Variants in SLC4A10 observed in about 807,000 individuals in gnomAD.
The protein encoded by SLC4A10 is solute carrier family 4 member 10.
In SLC4A10, 42 loss-of-function variants were observed where a neutral mutation model predicts 137.7. The ratio of observed to expected loss-of-function variants is 0.30; its 90% CI spans 0.24 to 0.39. The LOEUF (loss-of-function observed/expected upper bound fraction) is 0.39. SLC4A10 is among the 10% of genes least tolerant of loss of function. SLC4A10 has a pLI of 1.00. For synonymous variants in SLC4A10, 474 were observed against 464.1 expected (o/e 1.02, Z -0.27); for missense variants, 925 against 1,355.0 (o/e 0.68, Z 4.98).
At chr2:161,639,363 C>T (rs949558495) in intron 1 of SLC4A10, among the ~76,000 whole-genome samples, 2 of 151,956 alleles carry the variant, frequency 1.3e-5, no homozygotes, top group African/African-American at 4.8e-5. Context: ...TGAACATATA[C>T]ATAAAAATCC....
At chr2:161,947,373 C>T (rs13421039) in intron 16 of SLC4A10, among the ~76,000 whole-genome samples, 193 bp from the exon 17 acceptor site, 49,829 of 151,870 alleles carry the variant, frequency 0.33, 8,433 homozygotes, top group East Asian at 0.59. Flanking sequence ...TTTTCATAAA[C>T]CTTTGCATAT....
At chr2:161,888,376 C>T (rs189519317) in intron 10 of SLC4A10, among the ~76,000 whole-genome samples, 24 of 151,928 alleles carry the variant, frequency 1.6e-4, no homozygotes, top group Admixed American at 1.4e-3. Flanking sequence ...CTATAAACTA[C>T]TTTGGGCAGT....
At chr2:161,749,713 T>C (rs1167363920) in intron 1 of SLC4A10, among the ~76,000 whole-genome samples, 1 of 151,820 alleles carries the variant, frequency 6.6e-6, no homozygotes, top group African/African-American at 2.4e-5. Flanking sequence ...TAGTGGCCTG[T>C]AGTTGTTTTT....
chr2:161,985,095 G>A lies in SLC4A10; in HGVS notation c.*1943G>A, dbSNP rs1203327901. 1 of 151,886 alleles carries A rather than the reference G, an allele frequency of 6.6e-6. No homozygotes were observed. Among genetic ancestry groups the A allele is most frequent in the Non-Finnish European group, 1.5e-5 (1 of 67,906 alleles). 9.4% of individuals were successfully genotyped at this position (151,886 alleles called of 1,614,324 possible). On this transcript the variant is annotated 3_prime_UTR_variant, in exon 27 of 27. Coordinates refer to ENST00000446997, the MANE Select transcript of SLC4A10 (RefSeq NM_001178015.2). ...TCATATAAAATATAATAAAAATGTA[G>A]TATTATATATTTACTTCTAATTTCA...
chr2:161,813,254 A>G (rs1009244986), intron 3 of SLC4A10, among the ~76,000 whole-genome samples: 5 of 152,076 alleles, frequency 3.3e-5, no homozygotes, highest in Non-Finnish European at 7.4e-5. Flanking sequence ...GATTCCTACT[A>G]TATCTACCTA....
intron 6 of SLC4A10, 130 bp from the exon 7 acceptor site, chr2:161,872,163 C>G (rs893772219): frequency 3.9e-6 from 2 of 516,284 alleles, no homozygotes; most frequent in Non-Finnish European, 7.0e-6. Context: ...TTTATATTGA[C>G]CCTTCATTCT....
chr2:161,696,640 A>AT (rs1275520025), intron 1 of SLC4A10, among the ~76,000 whole-genome samples: 2 of 148,744 alleles, frequency 1.3e-5, no homozygotes, highest in African/African-American at 5.0e-5. Context: ...TGAACTCATC[A>AT]TTTTTTATGG....
chr2:161,673,537 A>T (rs542296436), intron 1 of SLC4A10, among the ~76,000 whole-genome samples: 1 of 152,350 alleles, frequency 6.6e-6, no homozygotes, highest in East Asian at 1.9e-4. Context: ...AGTGATGAAT[A>T]TGATCTACTT....
At chr2:161,857,706 C>T (rs550853755) in intron 5 of SLC4A10, among the ~76,000 whole-genome samples, 24 of 152,124 alleles carry the variant, frequency 1.6e-4, no homozygotes, top group African/African-American at 5.8e-4. Flanking sequence ...AATAAATAAG[C>T]ATGCTTTCCG....
At chr2:161,749,717 TG>T (rs1231540885) in intron 1 of SLC4A10, among the ~76,000 whole-genome samples, 1 of 151,870 alleles carries the variant, frequency 6.6e-6, no homozygotes, top group Non-Finnish European at 1.5e-5. Context: ...GGCCTGTAGT[TG>T]TTTTTTGTTT....
intron 1 of SLC4A10, among the ~76,000 whole-genome samples, chr2:161,752,186 C>T (rs940471124): frequency 2.6e-5 from 4 of 151,978 alleles, no homozygotes; most frequent in African/African-American, 9.7e-5. Flanking sequence ...ACCTATCTCA[C>T]TTGAGTAGGT....
chr2:161,664,013 T>G (rs993760594), intron 1 of SLC4A10, among the ~76,000 whole-genome samples: 3 of 152,170 alleles, frequency 2.0e-5, no homozygotes, highest in African/African-American at 7.2e-5. Context: ...CATTTCTCAG[T>G]AAGATTTTCT....
intron 1 of SLC4A10, among the ~76,000 whole-genome samples, chr2:161,760,584 T>C (rs2050153872): frequency 6.6e-6 from 1 of 152,190 alleles, no homozygotes; most frequent in African/African-American, 2.4e-5. Context: ...GCTCTTGTTT[T>C]GATACTTATG....
intron 1 of SLC4A10, chr2:161,709,746 C>G (rs755509272): frequency 9.9e-5 from 15 of 151,748 alleles, no homozygotes; most frequent in South Asian, 2.1e-4. Context: ...ATGCATTTAA[C>G]TTTGATTTGT....
chr2:161,976,650 A>G (rs1387070432), intron 24 of SLC4A10, 110 bp from the exon 25 acceptor site: 5 of 515,330 alleles, frequency 9.7e-6, no homozygotes, highest in Middle Eastern at 3.0e-4. Context: ...AAAAATTGGG[A>G]AAAATATTCT....
chr2:161,670,966 C>T (rs574918000), intron 1 of SLC4A10, among the ~76,000 whole-genome samples: 2 of 152,160 alleles, frequency 1.3e-5, no homozygotes, highest in East Asian at 3.9e-4. Flanking sequence ...GAATGCAGGA[C>T]CCATTTTAAT....
chr2:161,950,663 A>G (rs1337541651), intron 18 of SLC4A10, 24 bp from the exon 19 acceptor site: 7 of 1,564,778 alleles, frequency 4.5e-6, no homozygotes, highest in South Asian at 1.2e-5. Context: ...GTTCATAACT[A>G]TGCACATTCT....
chr2:161,864,770 T>A (rs528361760), intron 6 of SLC4A10, among the ~76,000 whole-genome samples: 1 of 152,156 alleles, frequency 6.6e-6, no homozygotes, highest in African/African-American at 2.4e-5. Flanking sequence ...CACAATTTGC[T>A]TTAAAATATG....
chr2:161,923,245 G>A (rs1044354672), intron 15 of SLC4A10, among the ~76,000 whole-genome samples: 1 of 152,186 alleles, frequency 6.6e-6, no homozygotes, highest in Admixed American at 6.6e-5. Context: ...ACTAAAAGAT[G>A]TATTTTATAA....
Sources: allele counts gnomAD v4.1 joint callset (sites outside exome capture counted in the v4.1 genomes callset), GRCh38; gene constraint gnomAD v4.1.1; transcripts MANE v1.5; gene names NCBI Gene and HGNC (gene_info 2026-07-23, HGNC 2026-07-21).